HDX: variants seen among roughly 807,000 people sequenced by gnomAD.
HDX encodes the protein chromosome X open reading frame 43.
In HDX, 19 loss-of-function variants were observed where a neutral mutation model predicts 45.2. The ratio of observed to expected loss-of-function variants is 0.42; its 90% CI spans 0.29 to 0.62. The LOEUF is 0.62. Among genes scored for constraint, HDX ranks in the 20% least tolerant of loss-of-function variants. HDX has a pLI of 0.20. For missense variants in HDX, 532 were observed against 493.9 expected (o/e 1.08, Z -0.73); for synonymous variants, 188 against 172.8 (o/e 1.09, Z -0.69).
rs138613922 is a variant in HDX at position 84,345,375 on chromosome X, A to C, written c.1453-918T>G. 1.1e-4 allele frequency among the ~76,000 whole-genome samples: 12 copies of C among 111,492 alleles called. No individual in the cohort carries two copies. The East Asian group carries it at 3.4e-3, about 32-fold the overall frequency. ...TGTGCTTTTTCAAGAATATTATATA[A>C]ATGGAATCATGCAGCATGTGACCTT... On this transcript the variant is annotated intron_variant, in intron 6 of 10. Transcript: ENST00000373177.
At chrX:84,379,171 T>C in intron 5 of HDX, among the ~76,000 whole-genome samples, 1 of 109,463 alleles carries the variant, frequency 9.1e-6, no homozygotes, top group Non-Finnish European at 1.9e-5. Context: ...TATAATCAAA[T>C]TATATATATG....
chrX:84,359,721 C>G (rs1378917892), intron 6 of HDX, among the ~76,000 whole-genome samples: 1 of 111,347 alleles, frequency 9.0e-6, no homozygotes, highest in Non-Finnish European at 1.9e-5. Flanking sequence ...AATGGGATTG[C>G]TGGGTCAAAC....
chrX:84,373,916 A>G (rs192217168), intron 5 of HDX, among the ~76,000 whole-genome samples: 11,652 of 108,954 alleles, frequency 0.11, 618 homozygotes, highest in East Asian at 0.26. Flanking sequence ...CAGGGCAATT[A>G]GGCAGAAGAA....
Position 84,318,282 on chromosome X carries a change from A to T in HDX, c.*3607T>A, listed in dbSNP as rs1602236977. 9.1e-6 allele frequency: 1 copy of T among 110,383 alleles called. No individual in the cohort carries two copies. The highest frequency in any genetic ancestry group is 2.9e-4 in the East Asian group (1 of 3,505). 9.1% of individuals were successfully genotyped at this position (110,383 alleles called of 1,213,427 possible). Reference sequence around the variant, plus strand: ...CATGATACAGTGCTGTCTGCCAAGGAAAATACCAACTTCAAAGAGAAATCT... The same window carrying T: ...CATGATACAGTGCTGTCTGCCAAGGTAAATACCAACTTCAAAGAGAAATCT... On this transcript the variant is annotated 3_prime_UTR_variant, in exon 11 of 11. Transcript: ENST00000373177.
intron 9 of HDX, among the ~76,000 whole-genome samples, chrX:84,326,724 C>T (rs2036719275): frequency 1.8e-5 from 2 of 109,947 alleles, no homozygotes; most frequent in South Asian, 7.9e-4. Context: ...CCAGCCTGGC[C>T]AACATGGTGA....
At chrX:84,428,115 C>T (rs1421368312) in intron 5 of HDX, among the ~76,000 whole-genome samples, 1 of 110,405 alleles carries the variant, frequency 9.1e-6, no homozygotes, top group Admixed American at 9.7e-5. Flanking sequence ...GTTTTTAGCC[C>T]ATTTTTTATC....
intron 5 of HDX, among the ~76,000 whole-genome samples, chrX:84,400,264 GTC>G (rs1313871726): frequency 1.4e-4 from 15 of 109,978 alleles, no homozygotes; most frequent in Admixed American, 3.0e-4. Context: ...AAGTCAAATT[GTC>G]TCTGTTTGCA....
chrX:84,330,496 T>G (rs1016943407), intron 9 of HDX, among the ~76,000 whole-genome samples: 10 of 111,910 alleles, frequency 8.9e-5, no homozygotes, highest in Non-Finnish European at 1.3e-4. Context: ...CTGAACATGC[T>G]CCTGTCATAA....
chrX:84,409,038 C>G (rs974535232), intron 5 of HDX, among the ~76,000 whole-genome samples: 1 of 110,896 alleles, frequency 9.0e-6, no homozygotes, highest in Non-Finnish European at 1.9e-5. Context: ...AAGAAACAAA[C>G]AACCCCATCA....
chrX:84,372,826 G>C (rs941194534), intron 5 of HDX, among the ~76,000 whole-genome samples: 2 of 111,241 alleles, frequency 1.8e-5, no homozygotes, highest in African/African-American at 6.5e-5. Flanking sequence ...CAGTAGGTGA[G>C]AGACAAGGCA....
intron 5 of HDX, among the ~76,000 whole-genome samples, chrX:84,391,292 T>C (rs934271313): frequency 8.9e-6 from 1 of 111,971 alleles, no homozygotes; most frequent in Admixed American, 9.5e-5. Flanking sequence ...CATTCTTTTT[T>C]ATGATTGAAT....
intron 5 of HDX, among the ~76,000 whole-genome samples, chrX:84,419,288 G>A (rs921288243): frequency 9.1e-6 from 1 of 110,129 alleles, no homozygotes; most frequent in Non-Finnish European, 1.9e-5. Context: ...CCTCTTCTGG[G>A]CCAGAGAAGA....
chrX:84,444,141 G>C (rs2039821996), intron 4 of HDX, among the ~76,000 whole-genome samples: 1 of 110,500 alleles, frequency 9.0e-6, no homozygotes, highest in African/African-American at 3.3e-5. Flanking sequence ...AGCCTTTTAG[G>C]GGAAAAAAAA....
At chrX:84,384,097 A>G (rs1222579286) in intron 5 of HDX, among the ~76,000 whole-genome samples, 1 of 111,485 alleles carries the variant, frequency 9.0e-6, no homozygotes, top group African/African-American at 3.3e-5. Flanking sequence ...ATGGTAGTTC[A>G]ACTCTTAGTT....
intron 9 of HDX, among the ~76,000 whole-genome samples, chrX:84,330,132 T>C (rs2036815485): frequency 1.8e-5 from 2 of 111,378 alleles, no homozygotes; most frequent in South Asian, 7.4e-4. Context: ...CCACTTGGTA[T>C]TCATAAATCA....
intron 5 of HDX, among the ~76,000 whole-genome samples, chrX:84,429,922 T>G (rs2039463771): frequency 9.0e-6 from 1 of 110,731 alleles, no homozygotes; most frequent in African/African-American, 3.3e-5. Flanking sequence ...TTGCACATAT[T>G]TGTGGGGTAC....
At chrX:84,341,711 A>AT (rs1438776575) in intron 7 of HDX, among the ~76,000 whole-genome samples, 3 of 103,858 alleles carry the variant, frequency 2.9e-5, no homozygotes, top group African/African-American at 1.1e-4. Flanking sequence ...AAATCTCCTT[A>AT]TTTGTTTTTT....
intron 5 of HDX, among the ~76,000 whole-genome samples, 178 bp from the exon 6 acceptor site, chrX:84,361,790 T>C (rs1766103726): frequency 8.9e-6 from 1 of 111,904 alleles, no homozygotes; most frequent in Non-Finnish European, 1.9e-5. Context: ...TAAATTTCCA[T>C]AACAATACAG....
rs760007832 is a variant in HDX, at chrX:84,419,810, A to T, written c.1305+20722T>A. ...CCCCACCCTCAGGTTTAGGTGGGTC[A>T]GAACAGAAAGAGAGACTCAGTTTGC... On this transcript the variant is annotated intron_variant, in intron 5 of 10. Transcript: ENST00000373177. 1.2e-4 allele frequency among the ~76,000 whole-genome samples: 14 copies of T among 112,331 alleles called. No homozygotes were observed. In the East Asian group the frequency reaches 1.4e-3, roughly 11 times the overall value.
Sources: allele counts gnomAD v4.1 joint callset (sites outside exome capture counted in the v4.1 genomes callset), GRCh38; gene constraint gnomAD v4.1.1; transcripts MANE v1.5; gene names NCBI Gene and HGNC (gene_info 2026-07-23, HGNC 2026-07-21).